ZSCAN5A: variants seen among roughly 807,000 people sequenced by gnomAD.
ZSCAN5A encodes zinc finger and SCAN domain containing 5A.
Under a neutral mutation model 23.7 loss-of-function variants are expected in ZSCAN5A, and 12 were observed. The ratio of observed to expected loss-of-function variants is 0.51; its 90% CI spans 0.32 to 0.82. The LOEUF (loss-of-function observed/expected upper bound fraction) is 0.82, where lower values mean the gene tolerates loss of function less well. Among genes scored for constraint, ZSCAN5A ranks in the 40% least tolerant of loss-of-function variants. ZSCAN5A has a pLI of 0.03. For synonymous variants in ZSCAN5A, 257 were observed against 239.9 expected (o/e 1.07, Z -0.66); for missense variants, 597 against 617.9 (o/e 0.97, Z 0.36).
At chr19:56,283,129 G>A (rs1328489253) in intron 2 of ZSCAN5A, 1 of 152,164 alleles carries the variant, frequency 6.6e-6, no homozygotes, top group Admixed American at 6.6e-5. Context: ...AAGGTTAAGT[G>A]AACTTACGGT....
At chr19:56,348,983 T>G (rs1236233631) in intron 2 of ZSCAN5A, among the ~76,000 whole-genome samples, 1 of 152,100 alleles carries the variant, frequency 6.6e-6, no homozygotes, top group African/African-American at 2.4e-5. Context: ...TTTTCAGCCC[T>G]CAGGATGGCT....
intron 2 of ZSCAN5A, among the ~76,000 whole-genome samples, chr19:56,361,581 T>C (rs563414874): frequency 2.6e-5 from 4 of 152,044 alleles, no homozygotes; most frequent in African/African-American, 4.8e-5. Context: ...TGAAAGACAT[T>C]ATCCTCAGCA....
chr19:56,353,827 T>A (rs1306780375), intron 2 of ZSCAN5A, among the ~76,000 whole-genome samples: 1 of 151,598 alleles, frequency 6.6e-6, no homozygotes, highest in South Asian at 2.1e-4. Flanking sequence ...ATAAATAAAA[T>A]GATATTGAGC....
At chr19:56,325,261 TTG>T (rs912857977) in intron 2 of ZSCAN5A, among the ~76,000 whole-genome samples, 2 of 152,240 alleles carry the variant, frequency 1.3e-5, no homozygotes, top group Non-Finnish European at 2.9e-5. Flanking sequence ...CTTAAAGGTA[TTG>T]TGTGTGTGTC....
At chr19:56,245,333 G>A (rs747524970) in intron 2 of ZSCAN5A, 10 of 748,724 alleles carry the variant, frequency 1.3e-5, no homozygotes, top group Admixed American at 1.8e-5. Flanking sequence ...CAGCCAGCGG[G>A]CCTCCTCTGT....
chr19:56,320,841 C>T (rs1046719954), intron 2 of ZSCAN5A: 30 of 777,084 alleles, frequency 3.9e-5, no homozygotes, highest in African/African-American at 8.5e-5. Context: ...TGTGCCCCCT[C>T]GCTTTCAAGT....
chr19:56,252,478 C>A (rs1414653678), intron 2 of ZSCAN5A, among the ~76,000 whole-genome samples: 1 of 152,132 alleles, frequency 6.6e-6, no homozygotes, highest in East Asian at 1.9e-4. Flanking sequence ...CCAAGCTGGT[C>A]TGAATGTGGC....
chr19:56,252,623 A>C (rs574342470), intron 2 of ZSCAN5A, among the ~76,000 whole-genome samples: 1 of 152,306 alleles, frequency 6.6e-6, no homozygotes, highest in South Asian at 2.1e-4. Flanking sequence ...AGGTTTTCTA[A>C]TCAGCTTGTC....
At chr19:56,278,823 T>C (rs2038458965) in intron 2 of ZSCAN5A, among the ~76,000 whole-genome samples, 1 of 151,962 alleles carries the variant, frequency 6.6e-6, no homozygotes, top group African/African-American at 2.4e-5. Context: ...GTACCTGGAG[T>C]TCTGACATCC....
At chr19:56,343,239 CT>C in intron 2 of ZSCAN5A, 2 of 822,530 alleles carry the variant, frequency 2.4e-6, no homozygotes, top group Non-Finnish European at 4.0e-6. Context: ...TGGTGATGTC[CT>C]TGGCAACCCC....
chr19:56,288,687 CTG>C (rs1262190076), intron 2 of ZSCAN5A, among the ~76,000 whole-genome samples: 3 of 152,182 alleles, frequency 2.0e-5, no homozygotes, highest in African/African-American at 4.8e-5. Flanking sequence ...GTGCTTAAGT[CTG>C]TGTCTTCACC....
chr19:56,276,288 T>C (rs1462595994), intron 2 of ZSCAN5A, among the ~76,000 whole-genome samples: 3 of 152,168 alleles, frequency 2.0e-5, no homozygotes, highest in Non-Finnish European at 2.9e-5. Flanking sequence ...CTTACAGTGA[T>C]GCTCACAACT....
At chr19:56,304,631 A>G (rs2040565449) in intron 2 of ZSCAN5A, 1 of 206,536 alleles carries the variant, frequency 4.8e-6, no homozygotes, top group Admixed American at 6.5e-5. Flanking sequence ...GGCTGAATAG[A>G]GAAGCAAGAC....
chr19:56,302,434 TC>T (rs973970489), intron 2 of ZSCAN5A, among the ~76,000 whole-genome samples: 1 of 112,932 alleles, frequency 8.9e-6, no homozygotes, highest in Non-Finnish European at 1.9e-5. Flanking sequence ...CTTTCTCCCT[TC>T]CTTCCTTTCT....
At position 56,320,560 on chromosome 19, in the gene ZSCAN5A, C is replaced by A; in HGVS notation, c.-357-4292G>T. ...CCAGGAGGCGGTGATTGCAGTGAGC[C>A]GAGATCATACCATTGCACTCCAGCC... On this transcript the variant is annotated intron_variant, in intron 2 of 6. Coordinates refer to the ZSCAN5A transcript ENST00000587340. The A allele has an allele frequency of 8.1e-6, 4 of 494,140 alleles. 1 individual carries two copies. The South Asian group carries it at 8.4e-5, about 10-fold the overall frequency. The allele number at this position is 494,140 out of a possible 1,614,324, so 30.6% of individuals were successfully genotyped here.
intron 2 of ZSCAN5A, among the ~76,000 whole-genome samples, chr19:56,270,518 T>C (rs750849228): frequency 6.6e-6 from 1 of 152,146 alleles, no homozygotes; most frequent in African/African-American, 2.4e-5. Context: ...CAAAATAATA[T>C]TACATACGTG....
chr19:56,315,276 C>T (rs1488583998), upstream of ZSCAN5A: 1 of 152,214 alleles, frequency 6.6e-6, no homozygotes, highest in East Asian at 1.9e-4. Flanking sequence ...TGCACACGCG[C>T]ATTGAGGCGT....
intron 2 of ZSCAN5A, chr19:56,272,920 G>A: frequency 1.0e-6 from 1 of 984,386 alleles, no homozygotes; most frequent in African/African-American, 1.7e-5. Context: ...CCTCGTGAAG[G>A]TAATGCTTCC....
upstream of ZSCAN5A, chr19:56,315,242 C>T (rs1356911180): frequency 1.3e-5 from 2 of 152,144 alleles, no homozygotes; most frequent in African/African-American, 4.8e-5. Flanking sequence ...GCCACATGGC[C>T]TTCTTTAAAG....
Sources: gnomAD v4.1 joint callset for allele counts (sites outside exome capture counted in the v4.1 genomes callset) on GRCh38, gnomAD v4.1.1 for gene constraint, MANE v1.5 for transcripts, NCBI Gene and HGNC (gene_info 2026-07-23, HGNC 2026-07-21) for gene names.